The following EYA2 variants were observed in gnomAD, a reference collection of about 807,000 sequenced individuals.
EYA2 encodes EYA transcriptional coactivator and phosphatase 2.
In EYA2, 31 loss-of-function variants were observed where a neutral mutation model predicts 69.2. The ratio of observed to expected loss-of-function variants is 0.45; its 90% confidence interval spans 0.34 to 0.60. The LOEUF is 0.60. EYA2 is among the 20% of genes least tolerant of loss of function. EYA2 has a pLI of 0.02. For synonymous variants in EYA2, 257 were observed against 279.4 expected, an observed-to-expected ratio of 0.92 and a Z score of 0.80; for missense variants, 622 against 701.2, an observed-to-expected ratio of 0.89 and a Z score of 1.28.
intron 5 of EYA2, among the ~76,000 whole-genome samples, chr20:47,048,839 T>C (rs899328611): frequency 2.0e-5 from 3 of 152,180 alleles, no homozygotes; most frequent in Non-Finnish European, 4.4e-5. Context: ...TGAATCTGTG[T>C]CCCCTGCTTC....
rs550132357 is a variant in EYA2, at chr20:46,954,549, G to A, written c.-10-35452G>A. ...CTCCTGGCAGCTCGCTCTCTTTGAG[G>A]GAACACACTAATACAGTTTTTATGC... On this transcript the variant is annotated intron_variant, in intron 1 of 15. Transcript: ENST00000327619. Among the ~76,000 whole-genome samples the A allele has an allele frequency of 3.3e-5, 5 of 152,322 alleles. 1 individual carries two copies. The South Asian group carries it at 1.0e-3, about 32-fold the overall frequency.
chr20:46,983,625 A>C (rs1980985417), intron 1 of EYA2, among the ~76,000 whole-genome samples: 1 of 152,142 alleles, frequency 6.6e-6, no homozygotes, highest in South Asian at 2.1e-4. Context: ...CCCAGCTTGG[A>C]TATCAGCAAA....
intron 2 of EYA2, chr20:46,998,257 T>C (rs1395884198): frequency 1.3e-5 from 2 of 152,284 alleles, no homozygotes; most frequent in Non-Finnish European, 2.9e-5. Flanking sequence ...ATCAAGAAAA[T>C]GTGATGCGGG....
intron 1 of EYA2, among the ~76,000 whole-genome samples, chr20:46,933,654 C>T (rs950730446): frequency 6.6e-6 from 1 of 152,226 alleles, no homozygotes; most frequent in African/African-American, 2.4e-5. Context: ...CGCCAAGTCT[C>T]ACTAGAACGA....
At chr20:46,958,950 G>A (rs776377960) in intron 1 of EYA2, among the ~76,000 whole-genome samples, 8 of 152,190 alleles carry the variant, frequency 5.3e-5, no homozygotes, top group Non-Finnish European at 1.2e-4. Flanking sequence ...TCATTGATGG[G>A]CATTTAGGTT....
intron 9 of EYA2, among the ~76,000 whole-genome samples, chr20:47,130,222 C>T (rs1223910433): frequency 3.4e-5 from 5 of 147,958 alleles, no homozygotes; most frequent in African/African-American, 1.3e-4. Context: ...AGTATCCTAA[C>T]TGTAACTTAA....
chr20:47,157,791 G>A (rs1295820164), intron 10 of EYA2, among the ~76,000 whole-genome samples: 1 of 151,832 alleles, frequency 6.6e-6, no homozygotes, highest in African/African-American at 2.4e-5. Flanking sequence ...CGTTTTTGGT[G>A]CCCCCACCAA....
intron 1 of EYA2, among the ~76,000 whole-genome samples, chr20:46,933,384 C>G (rs568948320): frequency 6.6e-6 from 1 of 152,278 alleles, no homozygotes; most frequent in South Asian, 2.1e-4. Flanking sequence ...GCTGTTGGAT[C>G]GGCTGGCCAC....
chr20:47,117,211 C>T (rs979775130), intron 9 of EYA2, among the ~76,000 whole-genome samples: 2 of 152,020 alleles, frequency 1.3e-5, no homozygotes, highest in Non-Finnish European at 2.9e-5. Flanking sequence ...CGGGGTTTCA[C>T]GATGGCCAGG....
chr20:47,176,476 C>G (rs1327317185), intron 12 of EYA2, among the ~76,000 whole-genome samples: 1 of 152,134 alleles, frequency 6.6e-6, no homozygotes, highest in Admixed American at 6.6e-5. Flanking sequence ...CCAGGGGATA[C>G]TTGGAATAGT....
chr20:47,088,462 C>G (rs7348903), intron 7 of EYA2, among the ~76,000 whole-genome samples: 1,908 of 152,256 alleles, frequency 0.013, 44 homozygotes, highest in African/African-American at 0.044. Flanking sequence ...AAATGCATAA[C>G]TCCTCCATCA....
At chr20:46,913,893 C>T (rs987438963) in intron 1 of EYA2, among the ~76,000 whole-genome samples, 4 of 152,146 alleles carry the variant, frequency 2.6e-5, no homozygotes, top group Non-Finnish European at 5.9e-5. Flanking sequence ...TCCTTCTGTC[C>T]ATTTTATCAC....
At chr20:47,004,551 G>A (rs1158374510) in intron 3 of EYA2, among the ~76,000 whole-genome samples, 1 of 152,210 alleles carries the variant, frequency 6.6e-6, no homozygotes, top group African/African-American at 2.4e-5. Flanking sequence ...TCCTCCACAA[G>A]CTGACTCAGG....
At chr20:47,160,638 A>C (rs1339732754) in intron 10 of EYA2, among the ~76,000 whole-genome samples, 3 of 152,166 alleles carry the variant, frequency 2.0e-5, no homozygotes, top group African/African-American at 7.2e-5. Context: ...TGCAGTGCCT[A>C]GGCCAGTGTT....
At position 46,935,810 on chromosome 20, in the gene EYA2, TTAATA is replaced by T. The variant is rs1289376657; in HGVS notation, c.-11+40830_-11+40834del. Among the ~76,000 whole-genome samples the T allele has an allele frequency of 2.6e-5, 4 of 152,002 alleles. No individual in the cohort carries two copies. In the East Asian group the frequency reaches 7.7e-4, roughly 29 times the overall value. On this transcript the variant is annotated intron_variant, in intron 1 of 15. Transcript: ENST00000327619. Reference sequence around the variant, plus strand: ...TATTATGTTGCAATAGTTCGTTATATTAATATAATATGTTATAATAACATAGATTA... The same window carrying T: ...TATTATGTTGCAATAGTTCGTTATATTAATATGTTATAATAACATAGATTA...
intron 1 of EYA2, among the ~76,000 whole-genome samples, chr20:46,905,625 C>T (rs536506654): frequency 6.6e-6 from 1 of 152,330 alleles, no homozygotes; most frequent in South Asian, 2.1e-4. Flanking sequence ...CCTCCTCAGA[C>T]CAGGCCAGGC....
chr20:47,135,560 C>CA (rs548273836), intron 9 of EYA2, among the ~76,000 whole-genome samples: 175 of 151,942 alleles, frequency 1.2e-3, no homozygotes, highest in Non-Finnish European at 2.2e-3. Context: ...CAAAATCCCA[C>CA]AGTCACATAA....
At chr20:47,010,772 G>A (rs1983010275) in intron 4 of EYA2, among the ~76,000 whole-genome samples, 1 of 148,882 alleles carries the variant, frequency 6.7e-6, no homozygotes, top group Admixed American at 6.7e-5. Context: ...CAAGCAAATA[G>A]TTTTAAAATT....
intron 1 of EYA2, among the ~76,000 whole-genome samples, chr20:46,903,610 A>G (rs1984219807): frequency 6.6e-6 from 1 of 152,168 alleles, no homozygotes; most frequent in Non-Finnish European, 1.5e-5. Flanking sequence ...GGGGTAAGTT[A>G]CCAGACTTTT....
Sources: allele counts gnomAD v4.1 joint callset (sites outside exome capture counted in the v4.1 genomes callset), GRCh38; gene constraint gnomAD v4.1.1; transcripts MANE v1.5; gene names NCBI Gene and HGNC (gene_info 2026-07-23, HGNC 2026-07-21).